The following IQCN variants were observed in gnomAD, a reference collection of about 807,000 sequenced individuals.
IQCN encodes the protein IQ domain-containing protein N.
In IQCN, 46 loss-of-function variants were observed where a neutral mutation model predicts 64.4. That is an observed-to-expected ratio of 0.71 (90% CI 0.56 to 0.91). The LOEUF is 0.91. IQCN is among the 40% of genes least tolerant of loss of function. The probability of loss-of-function intolerance (pLI) is 0.00; values close to 1 mark genes in which losing one functional copy is unlikely to be tolerated. For synonymous variants in IQCN, 733 were observed against 775.6 expected, an observed-to-expected ratio of 0.95 and a Z score of 0.91; for missense variants, 1,753 against 1,857.4, an observed-to-expected ratio of 0.94 and a Z score of 1.03.
rs1390918902 is a variant in IQCN at position 18,265,909 on chromosome 19, G to A, written c.1631C>T (p.Ser544Leu). 6.2e-7 allele frequency: 1 copy of A among 1,614,120 alleles called. No individual in the cohort carries two copies. ...VAVAAGTPNT[S>L]GSIHENPPKA... ...GGGTGGGTTCTCATGGATGGAGCCT[G>A]AGGTGTTGGGAGTTCCGGCTGCTAC... Residue 544 changes from serine (S) to leucine (L), a missense_variant, in exon 3 of 4, where the codon TCA becomes TTA. Coordinates refer to ENST00000392413, the MANE Select transcript of IQCN (RefSeq NM_001145304.2). The surrounding 1 kb of genome is among the most constrained non-coding windows in gnomAD (Gnocchi z 4.7).
In IQCN at chr19:18,265,999, A is replaced by G. The variant is rs757868758; in HGVS notation, c.1541T>C (p.Ile514Thr). The change falls in exon 3 of 4, where the codon ATC becomes ACC. Residue 514 changes from isoleucine to threonine, a missense_variant. Physicochemically the swap from Ile to Thr is moderately conservative, Grantham distance 89. Transcript: ENST00000392413. The surrounding 1 kb of genome is among the most constrained non-coding windows in gnomAD (Gnocchi z 4.7). ...TPAQLRSVAT[I>T]LKTLCLASPT... ...AGAGGCCAGACACAGAGTCTTGAGG[A>G]TGGTGGCCACCGAGCGTAACTGGGC... 5 of 1,614,004 alleles carry G rather than the reference A, an allele frequency of 3.1e-6. No individual in the cohort carries two copies. In the South Asian group the frequency reaches 5.5e-5, roughly 18 times the overall value.
At position 18,267,137 on chromosome 19, in the gene IQCN, C is replaced by G; in HGVS notation, c.403G>C (p.Glu135Gln). 6.2e-7 allele frequency: 1 copy of G among 1,614,246 alleles called. No homozygotes were observed. Reference sequence around the variant, plus strand: ...CTCTTGTTGAAGCGCCGCCAGGCCTCCTGGATGGCCTTGGCCGCCATCATC... The same window carrying G: ...CTCTTGTTGAAGCGCCGCCAGGCCTGCTGGATGGCCTTGGCCGCCATCATC... ...SQMMAAKAIQ[E>Q]AWRRFNKRHI... The change falls in exon 3 of 4, where the codon GAG becomes CAG. Residue 135 changes from glutamate to glutamine, a missense_variant. Transcript: ENST00000392413.
intron 2 of IQCN, among the ~76,000 whole-genome samples, chr19:18,268,961 C>CAA (rs35086395): frequency 0.2 from 10,765 of 54,236 alleles, 940 homozygotes; most frequent in African/African-American, 0.26. Context: ...GACTCTGTCT[C>CAA]AAAAAAAAAA....
At chr19:18,272,117 G>T (rs1302251112) in intron 1 of IQCN, among the ~76,000 whole-genome samples, 1 of 142,370 alleles carries the variant, frequency 7.0e-6, no homozygotes, top group Non-Finnish European at 1.6e-5. Context: ...GTGAGCCACC[G>T]CGCCTGGCCT....
At position 18,265,104 on chromosome 19, in the gene IQCN, C is replaced by A. The variant is rs1009537363; in HGVS notation, c.2436G>T (p.Val812=). The A allele has an allele frequency of 6.2e-7, 1 of 1,603,202 alleles. No homozygotes were observed. The highest frequency in any genetic ancestry group is 8.5e-7 in the Non-Finnish European group (1 of 1,179,712). ...RQTQPQPHGH[V]PGKTTQGGPC... ...GTCCCCCCTGAGTGGTCTTCCCCGG[C>A]ACGTGTCCGTGGGGCTGTGGCTGGG... is the stretch of plus-strand genomic sequence containing the variant. The change falls in exon 3 of 4, where the codon GTG becomes GTT. Residue 812 remains valine, a synonymous_variant. Coordinates refer to ENST00000392413, the MANE Select transcript of IQCN (RefSeq NM_001145304.2). The surrounding 1 kb of genome is among the most constrained non-coding windows in gnomAD (Gnocchi z 4.7).
intron 2 of IQCN, among the ~76,000 whole-genome samples, chr19:18,268,485 C>T (rs1387208833): frequency 6.6e-6 from 1 of 151,902 alleles, no homozygotes; most frequent in Non-Finnish European, 1.5e-5. Flanking sequence ...GTTGGAAAGA[C>T]AGATGAAGGT....
rs561221398 is a variant in IQCN at position 18,265,102 on chromosome 19, G to A, written c.2438C>T (p.Pro813Leu). 2.5e-5 allele frequency: 40 copies of A among 1,603,010 alleles called. No homozygotes were observed. The Middle Eastern group carries it at 1.7e-3, about 66-fold the overall frequency. The change falls in exon 3 of 4, where the codon CCG becomes CTG. Residue 813 changes from proline to leucine, a missense_variant. By Grantham distance (98) the Pro-to-Leu change is moderately conservative. Coordinates refer to ENST00000392413, the MANE Select transcript of IQCN (RefSeq NM_001145304.2). The surrounding 1 kb of genome is among the most constrained non-coding windows in gnomAD (Gnocchi z 4.7). ...TGGTCCCCCCTGAGTGGTCTTCCCC[G>A]GCACGTGTCCGTGGGGCTGTGGCTG... The part of the protein sequence containing the change: ...QTQPQPHGHV[P>L]GKTTQGGPCP...
chr19:18,270,722 G>A lies in IQCN; in HGVS notation c.-109-1135C>T, dbSNP rs1056457833. ...GGCTGGAGTGCAGCGTCACAATCTC[G>A]GCTCACTGCAACCTCTGCTTCCCAG... On this transcript the variant is annotated intron_variant, in intron 1 of 3. Transcript: ENST00000392413. Among the ~76,000 whole-genome samples, 7 of 151,624 alleles carry A rather than the reference G, an allele frequency of 4.6e-5. No individual in the cohort carries two copies. The East Asian group carries it at 5.8e-4, about 13-fold the overall frequency.
Position 18,266,264 on chromosome 19 carries a change from T to C in IQCN, c.1276A>G (p.Lys426Glu), listed in dbSNP as rs1479834403. Reference protein sequence around the residue: ...RQTCPATITAKNRPQVSLLAS... With the variant: ...RQTCPATITAENRPQVSLLAS... ...AGAAGGGAAACCTGAGGTCGGTTCT[T>C]TGCCGTGATGGTCGCAGGGCATGTC... is the stretch of plus-strand genomic sequence containing the variant. Residue 426 changes from lysine (K) to glutamate (E), a missense_variant, in exon 3 of 4, where the codon AAG (lysine) becomes GAG (glutamate). Lys to Glu is a moderately conservative substitution (Grantham distance 56). Coordinates refer to ENST00000392413, the MANE Select transcript of IQCN (RefSeq NM_001145304.2). This position sits in a 1 kb window ranked among gnomAD's most constrained non-coding sequence, Gnocchi z 4.3. The C allele has an allele frequency of 6.2e-7, 1 of 1,613,760 alleles. No homozygotes were observed. The highest frequency in any genetic ancestry group is 1.1e-5 in the South Asian group (1 of 91,030).
chr19:18,258,207 G>C, intron 3 of IQCN, 101 bp from the exon 4 acceptor site: 1 of 1,342,572 alleles, frequency 7.4e-7, no homozygotes, highest in Admixed American at 1.8e-5. Flanking sequence ...GTTAAAAAGG[G>C]GTGGCAGGGA....
chr19:18,273,796 T>C (rs1023575753), intron 1 of IQCN, among the ~76,000 whole-genome samples: 1 of 152,074 alleles, frequency 6.6e-6, no homozygotes, highest in African/African-American at 2.4e-5. Context: ...TGCAGCTCTT[T>C]AGAGGAACTC....
rs1004017029 is a variant in IQCN, at chr19:18,264,455, T to TA, written c.3084dup (p.Lys1029Ter). ...GCCACCTTCACCAGGGCCGGCGTCT[T>TA]AGTCACCCCGCTTCCTGTTGATTTC... On this transcript the variant is annotated frameshift_variant, in exon 3 of 4. Coordinates refer to ENST00000392413, the MANE Select transcript of IQCN (RefSeq NM_001145304.2). LOFTEE classifies it high-confidence loss of function. The surrounding 1 kb of genome is among the most constrained non-coding windows in gnomAD (Gnocchi z 4.3). 22 of 1,551,062 alleles carry TA rather than the reference T, an allele frequency of 1.4e-5. No homozygotes were observed. The African/African-American group carries it at 2.6e-4, about 18-fold the overall frequency.
Position 18,264,513 on chromosome 19 carries a change from C to G in IQCN, c.3027G>C (p.Leu1009=). ...LLSQSWCRVA[L]RTGTILPKAA... ...CCTTGGGGAGGATGGTTCCAGTCCT[C>G]AGGGCCACCCGACACCAAGACTGGC... The change falls in exon 3 of 4, where the codon CTG becomes CTC. Residue 1009 remains leucine (L), a synonymous_variant. Transcript: ENST00000392413. This position sits in a 1 kb window ranked among gnomAD's most constrained non-coding sequence, Gnocchi z 4.3. 3 of 1,551,484 alleles carry G rather than the reference C, an allele frequency of 1.9e-6. No individual in the cohort carries two copies. Among genetic ancestry groups the G allele is most frequent in the Non-Finnish European group, 2.6e-6 (3 of 1,146,966 alleles).
At position 18,266,293 on chromosome 19, in the gene IQCN, C is replaced by G; in HGVS notation, c.1247G>C (p.Arg416Pro). Residue 416 changes from arginine to proline, a missense_variant, in exon 3 of 4, where the codon CGG (arginine) becomes CCG (proline). Transcript: ENST00000392413. This position sits in a 1 kb window ranked among gnomAD's most constrained non-coding sequence, Gnocchi z 4.3. ...HPTASRTGTPRQTCPATITAK... is the reference protein window; with the variant it reads ...HPTASRTGTPPQTCPATITAK... ...CGTGATGGTCGCAGGGCATGTCTGC[C>G]GTGGGGTGCCAGTTCTGGAGGCTGT... The G allele has an allele frequency of 6.2e-7, 1 of 1,613,308 alleles. No homozygotes were observed. Among genetic ancestry groups the G allele is most frequent in the African/African-American group, 1.3e-5 (1 of 74,976 alleles).
Position 18,264,220 on chromosome 19 carries a change from C to G in IQCN, c.3177+143G>C. Reference sequence around the variant, plus strand: ...TGGTGAATGCTGGTGATGACGCTACCCATCACCGAGGCTCCCACAGTGACC... The same window carrying G: ...TGGTGAATGCTGGTGATGACGCTACGCATCACCGAGGCTCCCACAGTGACC... On this transcript the variant is annotated intron_variant, in intron 3 of 3. Coordinates refer to ENST00000392413, the MANE Select transcript of IQCN (RefSeq NM_001145304.2). The surrounding 1 kb of genome is among the most constrained non-coding windows in gnomAD (Gnocchi z 4.3). The G allele has an allele frequency of 1.5e-6, 1 of 685,070 alleles. No individual in the cohort carries two copies. Among genetic ancestry groups the G allele is most frequent in the Non-Finnish European group, 2.4e-6 (1 of 420,666 alleles). The allele number at this position is 685,070 out of a possible 1,614,324, so 42.4% of individuals were successfully genotyped here.
chr19:18,270,344 A>T (rs140037684), intron 1 of IQCN, among the ~76,000 whole-genome samples: 102 of 144,260 alleles, frequency 7.1e-4, no homozygotes, highest in African/African-American at 2.5e-3. Context: ...TGGGGCAACA[A>T]GAGCAAAACT....
chr19:18,261,923 T>C (rs1216583444), intron 3 of IQCN: 1 of 151,882 alleles, frequency 6.6e-6, no homozygotes, highest in Non-Finnish European at 1.5e-5. Context: ...AGTCTGGGCT[T>C]GGGGACACTT....
At position 18,265,008 on chromosome 19, in the gene IQCN, G is replaced by C; in HGVS notation, c.2532C>G (p.Cys844Trp). Residue 844 changes from cysteine (C) to tryptophan (W), a missense_variant, in exon 3 of 4, where the codon TGC becomes TGG. By Grantham distance (215) the Cys-to-Trp change is radical. Transcript: ENST00000392413. The surrounding 1 kb of genome is among the most constrained non-coding windows in gnomAD (Gnocchi z 4.7). ...PPMAPTGHST[C>W]NVESWGDNGA... is the part of the protein sequence containing the mutation. ...CGTTGTCTCCCCAGGACTCAACGTT[G>C]CATGTGGAATGGCCGGTGGGTGCCA... 1.2e-6 allele frequency: 2 copies of C among 1,604,324 alleles called. No individual in the cohort carries two copies. Among genetic ancestry groups the C allele is most frequent in the African/African-American group, 1.3e-5 (1 of 75,052 alleles).
intron 2 of IQCN, among the ~76,000 whole-genome samples, 187 bp downstream of exon 2, chr19:18,269,279 G>A (rs1969681635): frequency 6.6e-6 from 1 of 152,108 alleles, no homozygotes; most frequent in Non-Finnish European, 1.5e-5. Context: ...AATGGCATAT[G>A]GAAGGATGGA....
Sources: gnomAD v4.1 joint callset for allele counts (sites outside exome capture counted in the v4.1 genomes callset) on GRCh38, gnomAD v4.1.1 for gene constraint, Gnocchi (gnomAD v3.1) non-coding constraint, MANE v1.5 for transcripts, NCBI Gene and HGNC (gene_info 2026-07-23, HGNC 2026-07-21) for gene names.